Variants in SPANXN1 observed in about 807,000 individuals in gnomAD.
SPANXN1 encodes the protein sperm protein associated with the nucleus on the X chromosome N1.
A neutral mutation model predicts 2.0 loss-of-function variants in SPANXN1; 1 was observed. The observed-to-expected ratio is 0.50, with a 90% CI of 0.18 to 2.36. The LOEUF (loss-of-function observed/expected upper bound fraction) is 2.36, where lower values mean the gene tolerates loss of function less well. SPANXN1 is among the 30% of genes most tolerant of loss of function. The probability of loss-of-function intolerance (pLI) is 0.26; values close to 1 mark genes in which losing one functional copy is unlikely to be tolerated. For synonymous variants in SPANXN1, 27 were observed against 21.3 expected (o/e 1.27, Z -0.74); for missense variants, 55 against 51.8 (o/e 1.06, Z -0.19).
Position 145,255,854 on chromosome X carries a change from G to T in SPANXN1, c.*40G>T. The stretch of plus-strand genomic sequence containing the variant: ...TCCAGTCCAAGAGGAGGAGGACGAA[G>T]GCCTAGACTCAGCTGAAGGATCTTC... On this transcript the variant is annotated 3_prime_UTR_variant, in exon 2 of 2. Transcript: ENST00000370493. 1 of 1,212,061 alleles carries T rather than the reference G, an allele frequency of 8.3e-7. No individual in the cohort carries two copies. Among genetic ancestry groups the T allele is most frequent in the Admixed American group, 2.2e-5 (1 of 46,094 alleles).
Position 145,247,604 on chromosome X carries a change from A to C in SPANXN1, c.18A>C (p.Ser6=). 1.7e-6 allele frequency: 2 copies of C among 1,210,902 alleles called. No individual in the cohort carries two copies. Among genetic ancestry groups the C allele is most frequent in the East Asian group, 3.0e-5 (1 of 33,814 alleles). ...CCAGAATCATGGAACAGCCCACTTC[A>C]AGCATCAATGGGGAGAAGAGGAAGA... is the stretch of plus-strand genomic sequence containing the variant. MEQPT[S]SINGEKRKSP... The change falls in exon 1 of 2, where the codon TCA becomes TCC. Residue 6 remains serine, a synonymous_variant. Coordinates refer to ENST00000370493, the MANE Select transcript of SPANXN1 (RefSeq NM_001009614.3).
At chrX:145,255,331 G>C (rs2070804277) in intron 1 of SPANXN1, among the ~76,000 whole-genome samples, 2 of 111,713 alleles carry the variant, frequency 1.8e-5, no homozygotes, top group Non-Finnish European at 3.8e-5. Flanking sequence ...AGATATGATA[G>C]GGATGTTTCT....
At chrX:145,252,040 G>A (rs781990018) in intron 1 of SPANXN1, among the ~76,000 whole-genome samples, 1 of 111,392 alleles carries the variant, frequency 9.0e-6, no homozygotes, top group Non-Finnish European at 1.9e-5. Context: ...TGTGTTGAAT[G>A]GACAGGTTAA....
intron 1 of SPANXN1, among the ~76,000 whole-genome samples, chrX:145,248,821 T>G (rs782471172): frequency 9.0e-6 from 1 of 111,693 alleles, no homozygotes; most frequent in African/African-American, 3.3e-5. Flanking sequence ...TTGTAACTAA[T>G]AGCCACTGTG....
At chrX:145,249,439 A>G (rs1417231791) in intron 1 of SPANXN1, among the ~76,000 whole-genome samples, 1 of 111,162 alleles carries the variant, frequency 9.0e-6, no homozygotes, top group Non-Finnish European at 1.9e-5. Flanking sequence ...CTATCCAGGG[A>G]CATAGGGAAG....
intron 1 of SPANXN1, among the ~76,000 whole-genome samples, chrX:145,248,522 CAG>C (rs1232345097): frequency 9.0e-6 from 1 of 111,707 alleles, no homozygotes; most frequent in African/African-American, 3.3e-5. Context: ...GAAGATGAGA[CAG>C]AAGCTACTAA....
chrX:145,251,750 G>A (rs1446848714), intron 1 of SPANXN1, among the ~76,000 whole-genome samples: 1 of 111,360 alleles, frequency 9.0e-6, no homozygotes, highest in East Asian at 2.8e-4. Flanking sequence ...GGTAAGCTGG[G>A]TTTGGGGATT....
intron 1 of SPANXN1, among the ~76,000 whole-genome samples, chrX:145,251,941 G>T (rs1490428263): frequency 9.0e-6 from 1 of 111,417 alleles, no homozygotes; most frequent in East Asian, 2.8e-4. Context: ...AGAATTAGGG[G>T]TTAGGACAAA....
At chrX:145,254,954 C>T (rs1235758334) in intron 1 of SPANXN1, among the ~76,000 whole-genome samples, 2 of 111,536 alleles carry the variant, frequency 1.8e-5, no homozygotes, top group Non-Finnish European at 1.9e-5. Flanking sequence ...GTTTGTGCTG[C>T]TTTTCGCTTT....
chrX:145,254,549 C>G (rs2070800170), intron 1 of SPANXN1, among the ~76,000 whole-genome samples: 1 of 112,160 alleles, frequency 8.9e-6, no homozygotes, highest in Non-Finnish European at 1.9e-5. Context: ...GGGGCAGCCC[C>G]GTACTATTCA....
intron 1 of SPANXN1, 130 bp from the exon 2 acceptor site, chrX:145,255,541 C>T: frequency 5.0e-6 from 5 of 1,002,559 alleles, no homozygotes; most frequent in South Asian, 2.2e-5. Context: ...TATGATTCAA[C>T]CTTGTTCTTC....
intron 1 of SPANXN1, among the ~76,000 whole-genome samples, chrX:145,252,370 T>C (rs1569480042): frequency 1.8e-5 from 2 of 111,007 alleles, no homozygotes; most frequent in Non-Finnish European, 3.8e-5. Context: ...CCAGATGGAT[T>C]GGTACCACTG....
intron 1 of SPANXN1, among the ~76,000 whole-genome samples, chrX:145,253,576 G>A (rs1183626373): frequency 5.4e-4 from 60 of 111,190 alleles, no homozygotes; most frequent in African/African-American, 1.9e-3. Context: ...GATCAGGGGC[G>A]ATATTATATA....
At chrX:145,250,932 G>A (rs1179182709) in intron 1 of SPANXN1, among the ~76,000 whole-genome samples, 1 of 111,973 alleles carries the variant, frequency 8.9e-6, no homozygotes, top group Non-Finnish European at 1.9e-5. Flanking sequence ...GAAGGCATGA[G>A]ACTGTAGGAC....
intron 1 of SPANXN1, among the ~76,000 whole-genome samples, 180 bp downstream of exon 1, chrX:145,247,841 T>G (rs1356024577): frequency 1.8e-5 from 2 of 112,790 alleles, no homozygotes; most frequent in Non-Finnish European, 3.7e-5. Flanking sequence ...GGGAGGGGCC[T>G]GGGCAGTATG....
At position 145,252,991 on chromosome X, in the gene SPANXN1, A is replaced by G. The variant is rs782597357; in HGVS notation, c.76-2680A>G. Among the ~76,000 whole-genome samples, 18 of 111,562 alleles carry G rather than the reference A, an allele frequency of 1.6e-4. No individual in the cohort carries two copies. In the East Asian group the frequency reaches 5.1e-3, roughly 32 times the overall value. On this transcript the variant is annotated intron_variant, in intron 1 of 1. Coordinates refer to ENST00000370493, the MANE Select transcript of SPANXN1 (RefSeq NM_001009614.3). ...TCCTATTGAGCATCCAATAGGAAAG[A>G]CATGGGCTTACTAGAGACTGACAGA...
rs1556883134 is a variant in SPANXN1, at chrX:145,255,857, C to G, written c.*43C>G. 1.7e-6 allele frequency: 2 copies of G among 1,210,112 alleles called. No individual in the cohort carries two copies. The highest frequency in any genetic ancestry group is 1.1e-6 in the Non-Finnish European group (1 of 895,024). On this transcript the variant is annotated 3_prime_UTR_variant, in exon 2 of 2. Transcript: ENST00000370493. ...AGTCCAAGAGGAGGAGGACGAAGGC[C>G]TAGACTCAGCTGAAGGATCTTCAAA...
chrX:145,252,207 T>C (rs2070788898), intron 1 of SPANXN1, among the ~76,000 whole-genome samples: 1 of 111,265 alleles, frequency 9.0e-6, no homozygotes, highest in South Asian at 3.8e-4. Flanking sequence ...TGGGTGGACA[T>C]GTGAGTATTA....
chrX:145,254,115 A>G (rs1556882804), intron 1 of SPANXN1, among the ~76,000 whole-genome samples: 3 of 104,087 alleles, frequency 2.9e-5, no homozygotes, highest in African/African-American at 1.1e-4. Context: ...AGGTGGAGGG[A>G]ATGGGAGTGG....
Sources: gnomAD v4.1 joint callset for allele counts (sites outside exome capture counted in the v4.1 genomes callset) on GRCh38, gnomAD v4.1.1 for gene constraint, MANE v1.5 for transcripts, NCBI Gene and HGNC (gene_info 2026-07-23, HGNC 2026-07-21) for gene names.